Variants in PALD1 observed in about 807,000 individuals in gnomAD.
The protein encoded by PALD1 is paladin.
A neutral mutation model predicts 96.0 loss-of-function variants in PALD1; 57 were observed. The ratio of observed to expected loss-of-function variants is 0.59; its 90% CI spans 0.48 to 0.74. The LOEUF (loss-of-function observed/expected upper bound fraction) is 0.74. PALD1 is among the 30% of genes least tolerant of loss of function. PALD1 has a pLI of 0.00. For synonymous variants in PALD1, 464 were observed against 473.6 expected (o/e 0.98, Z 0.26); for missense variants, 1,063 against 1,143.7 (o/e 0.93, Z 1.02).
chr10:70,483,841 G>A (rs1041864982), intron 1 of PALD1, among the ~76,000 whole-genome samples: 1 of 152,146 alleles, frequency 6.6e-6, no homozygotes, highest in African/African-American at 2.4e-5. Flanking sequence ...ATGTGTCCCC[G>A]GCTTTTTTTA....
Position 70,547,208 on chromosome 10 carries a change from A to G in PALD1, c.2122-98A>G. 2.8e-6 allele frequency: 3 copies of G among 1,085,016 alleles called. No homozygotes were observed. The South Asian group carries it at 4.0e-5, about 14-fold the overall frequency. 67.2% of individuals were successfully genotyped at this position (1,085,016 alleles called of 1,614,324 possible). ...GCTCTCTGTTCAGCGCCTGGGCCTT[A>G]GGCCTGGTGTGGCCTTTTGGTGAGG... On this transcript the variant is annotated intron_variant, in intron 17 of 19. Coordinates refer to ENST00000263563, the MANE Select transcript of PALD1 (RefSeq NM_014431.3).
intron 1 of PALD1, among the ~76,000 whole-genome samples, chr10:70,524,220 C>T (rs376962543): frequency 1.5e-3 from 228 of 152,176 alleles, no homozygotes; most frequent in African/African-American, 5.1e-3. Flanking sequence ...TCTGCAGAGT[C>T]GAGGGGTTGG....
intron 1 of PALD1, among the ~76,000 whole-genome samples, chr10:70,482,462 T>C (rs1845949614): frequency 6.6e-6 from 1 of 152,168 alleles, no homozygotes; most frequent in Admixed American, 6.6e-5. Context: ...CAGCACAGGA[T>C]TGAGCCTGGG....
rs373966854 is a variant in PALD1, at chr10:70,529,892, C to T, written c.292C>T (p.Arg98Cys). ...NTPEHYLVQG[R>C]YFLVRDVTEK... ...TCCTGTGGCTCTCCCCTGCCAGGGC[C>T]GCTACTTCCTGGTGCGGGATGTCAC... The change falls in exon 4 of 20, where the codon CGC (arginine) becomes TGC (cysteine). Residue 98 changes from arginine to cysteine, a missense_variant. Coordinates refer to ENST00000263563, the MANE Select transcript of PALD1 (RefSeq NM_014431.3). The T allele has an allele frequency of 1.1e-4, 184 of 1,613,582 alleles. No individual in the cohort carries two copies. Among genetic ancestry groups the T allele is most frequent in the Middle Eastern group, 9.9e-4 (6 of 6,056 alleles).
intron 18 of PALD1, among the ~76,000 whole-genome samples, chr10:70,553,006 T>C (rs1847511761): frequency 6.6e-6 from 1 of 152,180 alleles, no homozygotes; most frequent in Admixed American, 6.5e-5. Context: ...CTGGAAATGG[T>C]TCGCATCCAA....
chr10:70,479,411 G>C (rs1845890401), intron 1 of PALD1, among the ~76,000 whole-genome samples: 1 of 152,180 alleles, frequency 6.6e-6, no homozygotes, highest in South Asian at 2.1e-4. Context: ...TGGGGAGAGG[G>C]AAGCCGCTTC....
chr10:70,541,422 G>T (rs369732217), intron 16 of PALD1, 41 bp from the exon 17 acceptor site: 6 of 1,597,000 alleles, frequency 3.8e-6, no homozygotes, highest in Non-Finnish European at 5.2e-6. Context: ...GGCTCCTGGC[G>T]TTGGGAGGGG....
intron 1 of PALD1, among the ~76,000 whole-genome samples, chr10:70,521,896 C>T (rs562460864): frequency 1.3e-5 from 2 of 151,754 alleles, no homozygotes; most frequent in South Asian, 4.2e-4. Flanking sequence ...TCTCAGAATG[C>T]TTTTAAATAC....
intron 1 of PALD1, among the ~76,000 whole-genome samples, chr10:70,481,026 A>C (rs1482815555): frequency 6.6e-6 from 1 of 152,232 alleles, no homozygotes; most frequent in African/African-American, 2.4e-5. Context: ...GTACATAGAA[A>C]TACACCATTG....
At chr10:70,553,008 C>T (rs79983230) in intron 18 of PALD1, among the ~76,000 whole-genome samples, 1,573 of 152,222 alleles carry the variant, frequency 0.01, 23 homozygotes, top group African/African-American at 0.035. Context: ...GGAAATGGTT[C>T]GCATCCAAGG....
chr10:70,546,804 A>G (rs868365183), intron 17 of PALD1, among the ~76,000 whole-genome samples: 5 of 152,288 alleles, frequency 3.3e-5, no homozygotes, highest in Middle Eastern at 6.8e-3. Flanking sequence ...ACAAGATATT[A>G]GCCAGGCGTG....
intron 7 of PALD1, among the ~76,000 whole-genome samples, chr10:70,533,307 G>T (rs1847035032): frequency 6.6e-6 from 1 of 151,954 alleles, no homozygotes. Flanking sequence ...CTCTCTGTGT[G>T]TCTGTGTGTT....
At chr10:70,511,379 C>T (rs1474576633) in intron 1 of PALD1, among the ~76,000 whole-genome samples, 1 of 152,138 alleles carries the variant, frequency 6.6e-6, no homozygotes. Context: ...GCTCATGGTT[C>T]AAGATGGCTG....
intron 1 of PALD1, among the ~76,000 whole-genome samples, chr10:70,525,426 C>T (rs947428533): frequency 2.4e-4 from 36 of 151,986 alleles, no homozygotes; most frequent in Non-Finnish European, 4.7e-4. Flanking sequence ...TTATGACATT[C>T]GTGGCTATAT....
intron 1 of PALD1, among the ~76,000 whole-genome samples, chr10:70,496,492 G>T (rs550122005): frequency 3.2e-4 from 49 of 152,224 alleles, no homozygotes; most frequent in African/African-American, 1.1e-3. Context: ...GCCTATTCTT[G>T]AACTTTGTAC....
In PALD1 at chr10:70,515,366, A is replaced by G. The variant is rs577387124; in HGVS notation, c.-29-10557A>G. 2.0e-5 allele frequency among the ~76,000 whole-genome samples: 3 copies of G among 152,366 alleles called. No individual in the cohort carries two copies. The South Asian group carries it at 6.2e-4, about 32-fold the overall frequency. ...GGGAACCTATCCCGAATGGCTTACC[A>G]GACAAAGCAGAATGAGGAGAGTGAT... On this transcript the variant is annotated intron_variant, in intron 1 of 19. Coordinates refer to ENST00000263563, the MANE Select transcript of PALD1 (RefSeq NM_014431.3).
chr10:70,499,976 G>A, intron 1 of PALD1, among the ~76,000 whole-genome samples: 1 of 152,228 alleles, frequency 6.6e-6, no homozygotes, highest in Non-Finnish European at 1.5e-5. Context: ...AGGTGGATCT[G>A]TACAGGGGTT....
At chr10:70,494,847 G>T (rs529742154) in intron 1 of PALD1, among the ~76,000 whole-genome samples, 4 of 152,218 alleles carry the variant, frequency 2.6e-5, no homozygotes, top group Admixed American at 6.5e-5. Context: ...GATTGGTAAC[G>T]TGTTGAACTA....
the PALD1 span, among the ~76,000 whole-genome samples, chr10:70,467,846 C>T: frequency 6.6e-6 from 1 of 152,018 alleles, no homozygotes; most frequent in Non-Finnish European, 1.5e-5. Context: ...TAGATTAACT[C>T]CTCACTACGA....
Sources: allele counts gnomAD v4.1 joint callset (sites outside exome capture counted in the v4.1 genomes callset), GRCh38; gene constraint gnomAD v4.1.1; transcripts MANE v1.5; gene names NCBI Gene and HGNC (gene_info 2026-07-23, HGNC 2026-07-21).